Variants in UNC13C observed in about 807,000 individuals in gnomAD.
The protein encoded by UNC13C is protein unc-13 homolog C.
In UNC13C, 174 loss-of-function variants were observed where a neutral mutation model predicts 245.4. The ratio of observed to expected loss-of-function variants is 0.71; its 90% confidence interval spans 0.63 to 0.80. The LOEUF is 0.80. Ranked by LOEUF, UNC13C falls within the 30% of genes least tolerant of loss-of-function variation. The pLI, the probability that UNC13C is intolerant of heterozygous loss-of-function variation, is 0.00. For missense variants in UNC13C, 2,829 were observed against 2,602.9 expected (o/e 1.09, Z -1.89); for synonymous variants, 992 against 895.1 (o/e 1.11, Z -1.93).
At position 54,416,723 on chromosome 15, in the gene UNC13C, A is replaced by G. The variant is rs115446401; in HGVS notation, c.4933+1656A>G. Among the ~76,000 whole-genome samples, 866 of 152,196 alleles carry G rather than the reference A, an allele frequency of 5.7e-3. 8 individuals are homozygous for G. Among genetic ancestry groups the G allele is most frequent in the African/African-American group, 0.019 (808 of 41,520 alleles). On this transcript the variant is annotated intron_variant, in intron 19 of 32. Coordinates refer to ENST00000260323, the MANE Select transcript of UNC13C (RefSeq NM_001080534.3). ...ATCCCCCCACCCTACTTGAAAGTCT[A>G]TCAGGCATCTGAAGATTTTTAGGGT...
chr15:53,954,109 A>G, the UNC13C span, among the ~76,000 whole-genome samples: 1 of 152,198 alleles, frequency 6.6e-6, no homozygotes, highest in African/African-American at 2.4e-5. Flanking sequence ...AATTTCTTGT[A>G]TTCATGGATT....
chr15:53,893,604 T>G, the UNC13C span, among the ~76,000 whole-genome samples: 1 of 152,226 alleles, frequency 6.6e-6, no homozygotes, highest in African/African-American at 2.4e-5. Flanking sequence ...TGAGCTGCAG[T>G]GGGCTCCGCC....
chr15:54,028,348 C>A (rs905067935), intron 2 of UNC13C, among the ~76,000 whole-genome samples: 1 of 152,178 alleles, frequency 6.6e-6, no homozygotes, highest in African/African-American at 2.4e-5. Context: ...GAACATCGGA[C>A]AACAATGGAC....
intron 1 of UNC13C, among the ~76,000 whole-genome samples, chr15:54,010,343 A>G (rs528467423): frequency 6.6e-6 from 1 of 152,306 alleles, no homozygotes; most frequent in Admixed American, 6.5e-5. Flanking sequence ...TAATTATGGT[A>G]TTTTGAGAGT....
At position 54,351,383 on chromosome 15, in the gene UNC13C, G is replaced by T. The variant is rs533918333; in HGVS notation, c.4713+12894G>T. 5.3e-5 allele frequency among the ~76,000 whole-genome samples: 8 copies of T among 152,136 alleles called. No individual in the cohort carries two copies. In the East Asian group the frequency reaches 1.5e-3, roughly 29 times the overall value. ...ACTTTTTAGTTTTTCTTTTTAGTAA[G>T]TATCTAGAGAAAAACTTGCACTGAA... On this transcript the variant is annotated intron_variant, in intron 17 of 32. Transcript: ENST00000260323.
At chr15:54,222,809 A>G (rs1430874509) in intron 4 of UNC13C, among the ~76,000 whole-genome samples, 1 of 152,034 alleles carries the variant, frequency 6.6e-6, no homozygotes, top group African/African-American at 2.4e-5. Context: ...GTGATATCAC[A>G]TTGTAATTTT....
At chr15:54,442,101 A>G (rs1381097280) in intron 19 of UNC13C, among the ~76,000 whole-genome samples, 1 of 152,018 alleles carries the variant, frequency 6.6e-6, no homozygotes, top group African/African-American at 2.4e-5. Flanking sequence ...TCCAAATATA[A>G]TGTCTTCCAC....
chr15:54,267,367 G>A (rs956565213), intron 10 of UNC13C, among the ~76,000 whole-genome samples: 1 of 151,738 alleles, frequency 6.6e-6, no homozygotes, highest in African/African-American at 2.4e-5. Context: ...CCAAATCAGA[G>A]GTAAGAGCAG....
At chr15:53,864,245 T>C in the UNC13C span, among the ~76,000 whole-genome samples, 1 of 152,182 alleles carries the variant, frequency 6.6e-6, no homozygotes, top group Non-Finnish European at 1.5e-5. Context: ...TGAAAATATG[T>C]CCATAAGCAA....
At position 54,021,065 on chromosome 15, in the gene UNC13C, C is replaced by T. The variant is rs140032382; in HGVS notation, c.2983+5179C>T. 1.4e-3 allele frequency among the ~76,000 whole-genome samples: 214 copies of T among 151,868 alleles called. 1 individual carries two copies. The highest frequency in any genetic ancestry group is 4.9e-3 in the African/African-American group (202 of 41,360). ...TTTATTTGACAGTAACATTTTTAAT[C>T]GACAATAACAATTGTGTATATTTAT... On this transcript the variant is annotated intron_variant, in intron 2 of 32. Coordinates refer to ENST00000260323, the MANE Select transcript of UNC13C (RefSeq NM_001080534.3).
At chr15:54,548,196 T>G (rs1398440939) in intron 27 of UNC13C, among the ~76,000 whole-genome samples, 1 of 149,672 alleles carries the variant, frequency 6.7e-6, no homozygotes. Context: ...TGTTGTTGTT[T>G]TGTTTCTTTT....
At chr15:54,632,630 A>C (rs1244508930), downstream of UNC13C, 1 of 152,254 alleles carries the variant, frequency 6.6e-6, no homozygotes, top group African/African-American at 2.4e-5. Context: ...CATTGAAAAT[A>C]CTACAGTTAT....
intron 2 of UNC13C, among the ~76,000 whole-genome samples, chr15:54,075,345 C>A (rs563573506): frequency 6.6e-6 from 1 of 151,862 alleles, no homozygotes; most frequent in Non-Finnish European, 1.5e-5. Context: ...ATTAGCCAGG[C>A]CTGGCGGCAG....
chr15:53,942,183 A>G, the UNC13C span, among the ~76,000 whole-genome samples: 1 of 152,230 alleles, frequency 6.6e-6, no homozygotes, highest in Non-Finnish European at 1.5e-5. Context: ...GACTGAATAA[A>G]GAAAATGTGG....
rs1893257126 is a variant in UNC13C, at chr15:54,483,775, A to AG, written c.4934-10833_4934-10832insG. Among the ~76,000 whole-genome samples the AG allele has an allele frequency of 3.3e-5, 5 of 151,984 alleles. No homozygotes were observed. The South Asian group carries it at 1.0e-3, about 31-fold the overall frequency. On this transcript the variant is annotated intron_variant, in intron 19 of 32. Coordinates refer to ENST00000260323, the MANE Select transcript of UNC13C (RefSeq NM_001080534.3). ...CAGCCCTGTTTTCTTCACATTACTT[A>AG]TTTTCTGTCTTTGCCATTGCATAGG... is the stretch of plus-strand genomic sequence containing the variant.
At chr15:54,099,830 C>T (rs112175225) in intron 2 of UNC13C, among the ~76,000 whole-genome samples, 3 of 152,260 alleles carry the variant, frequency 2.0e-5, no homozygotes, top group African/African-American at 4.8e-5. Flanking sequence ...CACAGTGGCT[C>T]ATGCCTGTAA....
At chr15:54,144,937 A>C (rs980067919) in intron 4 of UNC13C, among the ~76,000 whole-genome samples, 4 of 151,830 alleles carry the variant, frequency 2.6e-5, no homozygotes, top group Non-Finnish European at 4.4e-5. Flanking sequence ...CTATATAATT[A>C]ATTATCTATC....
Position 54,313,152 on chromosome 15 carries a change from A to G in UNC13C, c.4269-8787A>G, listed in dbSNP as rs2037919094. On this transcript the variant is annotated intron_variant, in intron 13 of 32. Transcript: ENST00000260323. ...GAATACTGGCCTAATGCTTTAAAAA[A>G]GTTAAAATGCTGCTTTCAGTTTACT... Among the ~76,000 whole-genome samples, 3 of 151,912 alleles carry G rather than the reference A, an allele frequency of 2.0e-5. 1 individual carries two copies. The South Asian group carries it at 6.2e-4, about 31-fold the overall frequency.
intron 30 of UNC13C, among the ~76,000 whole-genome samples, chr15:54,583,754 TC>T (rs1321610790): frequency 6.6e-6 from 1 of 152,198 alleles, no homozygotes; most frequent in African/African-American, 2.4e-5. Context: ...ACACTTCCCC[TC>T]CCTGAGTGGT....
Sources: gnomAD v4.1 joint callset for allele counts (sites outside exome capture counted in the v4.1 genomes callset) on GRCh38, gnomAD v4.1.1 for gene constraint, MANE v1.5 for transcripts, NCBI Gene and HGNC (gene_info 2026-07-23, HGNC 2026-07-21) for gene names.